Variants in NEGR1 observed in about 807,000 individuals in gnomAD.
NEGR1 encodes the protein IgLON family member 4.
In NEGR1, 10 loss-of-function variants were observed where a neutral mutation model predicts 40.9. The observed-to-expected ratio is 0.24, with a 90% confidence interval of 0.15 to 0.42. The LOEUF (loss-of-function observed/expected upper bound fraction) is 0.42. Among genes scored for constraint, NEGR1 ranks in the 10% least tolerant of loss-of-function variants. NEGR1 has a pLI of 1.00. For missense variants in NEGR1, 352 were observed against 438.9 expected (o/e 0.80, Z 1.77); for synonymous variants, 185 against 166.8 (o/e 1.11, Z -0.84).
chr1:71,760,019 G>A lies in NEGR1; in HGVS notation c.535+16153C>T, dbSNP rs374991566. Among the ~76,000 whole-genome samples the A allele has an allele frequency of 3.5e-3, 532 of 152,132 alleles. 4 individuals are homozygous for A. Among genetic ancestry groups the A allele is most frequent in the African/African-American group, 0.012 (509 of 41,510 alleles). On this transcript the variant is annotated intron_variant, in intron 3 of 6. Transcript: ENST00000357731. Reference sequence around the variant, plus strand: ...GAAAATCAATAAGGGAAAGACTCTTGAAAAAATCGAATTCACAAAATGTGG... The same window carrying A: ...GAAAATCAATAAGGGAAAGACTCTTAAAAAAATCGAATTCACAAAATGTGG...
intron 4 of NEGR1, among the ~76,000 whole-genome samples, chr1:71,628,570 C>A (rs1327417341): frequency 6.6e-6 from 1 of 151,916 alleles, no homozygotes; most frequent in Non-Finnish European, 1.5e-5. Context: ...CCCTAGCACC[C>A]CACCCCCTGA....
intron 1 of NEGR1, among the ~76,000 whole-genome samples, chr1:72,233,990 CT>C (rs990302875): frequency 2.8e-4 from 43 of 152,098 alleles, no homozygotes; most frequent in Admixed American, 2.4e-3. Flanking sequence ...AAAAAATTAT[CT>C]TTTATTTTAA....
intron 6 of NEGR1, among the ~76,000 whole-genome samples, chr1:71,437,098 C>G: frequency 6.7e-6 from 1 of 149,312 alleles, no homozygotes; most frequent in East Asian, 1.9e-4. Flanking sequence ...CTATAGGTAC[C>G]TGGCTCAGAA....
At chr1:71,743,335 C>T (rs1233503914) in intron 3 of NEGR1, among the ~76,000 whole-genome samples, 1 of 150,532 alleles carries the variant, frequency 6.6e-6, no homozygotes, top group Non-Finnish European at 1.5e-5. Context: ...GTACATCAAT[C>T]TAGGAAACTG....
At chr1:71,953,828 C>A (rs1014589302) in intron 1 of NEGR1, among the ~76,000 whole-genome samples, 1 of 151,626 alleles carries the variant, frequency 6.6e-6, no homozygotes, top group African/African-American at 2.4e-5. Flanking sequence ...AAGTGATATA[C>A]TTTTTTTTAG....
intron 1 of NEGR1, among the ~76,000 whole-genome samples, chr1:72,061,902 A>G (rs1170430389): frequency 6.6e-6 from 1 of 151,664 alleles, no homozygotes; most frequent in Non-Finnish European, 1.5e-5. Context: ...TATGATTTTT[A>G]TAATGGGCTC....
chr1:71,692,694 T>A (rs1653331671), intron 4 of NEGR1, among the ~76,000 whole-genome samples: 1 of 151,822 alleles, frequency 6.6e-6, no homozygotes, highest in Non-Finnish European at 1.5e-5. Flanking sequence ...TAAGTTATAC[T>A]AATTGGAACA....
chr1:71,860,347 A>C (rs1354857713), intron 2 of NEGR1, among the ~76,000 whole-genome samples: 1 of 151,990 alleles, frequency 6.6e-6, no homozygotes, highest in East Asian at 1.9e-4. Flanking sequence ...CATACTTTTT[A>C]TTACTATCTC....
chr1:71,752,069 T>C (rs1425706615), intron 3 of NEGR1, among the ~76,000 whole-genome samples: 2 of 152,190 alleles, frequency 1.3e-5, no homozygotes, highest in Non-Finnish European at 2.9e-5. Flanking sequence ...AATTATACAA[T>C]ACGCTGGAGT....
intron 1 of NEGR1, among the ~76,000 whole-genome samples, chr1:72,087,410 G>A (rs1005844530): frequency 6.6e-6 from 1 of 151,242 alleles, no homozygotes; most frequent in Admixed American, 6.6e-5. Flanking sequence ...CAGCTTGGGC[G>A]ACAGAGTGAG....
chr1:71,496,964 C>T (rs952824243), intron 6 of NEGR1, among the ~76,000 whole-genome samples: 6 of 152,106 alleles, frequency 3.9e-5, no homozygotes, highest in Admixed American at 1.3e-4. Context: ...CAAAATAATG[C>T]GTTAGGTTTT....
chr1:72,010,013 G>T (rs1251694838), intron 1 of NEGR1, among the ~76,000 whole-genome samples: 1 of 152,090 alleles, frequency 6.6e-6, no homozygotes, highest in Non-Finnish European at 1.5e-5. Flanking sequence ...TGGAAGAAAT[G>T]ACAGGAAGAG....
At chr1:72,201,301 A>T (rs565971642) in intron 1 of NEGR1, among the ~76,000 whole-genome samples, 103 of 150,752 alleles carry the variant, frequency 6.8e-4, no homozygotes, top group African/African-American at 1.6e-3. Flanking sequence ...ATAAAAAATA[A>T]TTTTTTTATA....
At chr1:71,420,434 C>T (rs546032375) in intron 6 of NEGR1, among the ~76,000 whole-genome samples, 1 of 152,026 alleles carries the variant, frequency 6.6e-6, no homozygotes, top group South Asian at 2.1e-4. Flanking sequence ...TGCACTCATA[C>T]ATACACAAAG....
chr1:71,947,284 T>G (rs1478998346), intron 1 of NEGR1, among the ~76,000 whole-genome samples: 1 of 151,762 alleles, frequency 6.6e-6, no homozygotes, highest in Non-Finnish European at 1.5e-5. Flanking sequence ...ATGGCAAAAC[T>G]TTTTACTTAC....
At chr1:72,261,995 G>A (rs1264906097) in intron 1 of NEGR1, among the ~76,000 whole-genome samples, 2 of 151,910 alleles carry the variant, frequency 1.3e-5, no homozygotes, top group Non-Finnish European at 2.9e-5. Flanking sequence ...AATTGCACTT[G>A]CACCCCCTAA....
At chr1:72,096,464 C>T (rs1268304190) in intron 1 of NEGR1, among the ~76,000 whole-genome samples, 1 of 151,728 alleles carries the variant, frequency 6.6e-6, no homozygotes, top group Non-Finnish European at 1.5e-5. Flanking sequence ...TAAATGAAGG[C>T]AAAACAAATG....
intron 1 of NEGR1, among the ~76,000 whole-genome samples, chr1:72,108,922 C>T (rs1257256300): frequency 6.6e-6 from 1 of 151,498 alleles, no homozygotes; most frequent in East Asian, 1.9e-4. Context: ...CTTCCTCCTA[C>T]TTAAAACACA....
rs55674579 is a variant in NEGR1 at position 71,898,981 on chromosome 1, CATATATATATATAT to C, written c.409+36084_409+36097del. Among the ~76,000 whole-genome samples, 165 of 51,300 alleles carry C rather than the reference CATATATATATATAT, an allele frequency of 3.2e-3. 7 individuals carry two copies. Among genetic ancestry groups the C allele is most frequent in the African/African-American group, 0.015 (148 of 9,940 alleles). The allele number at this position is 51,300 out of a possible 152,430, so 33.7% of individuals were successfully genotyped here. A position where few individuals can be genotyped will look rare whatever the true frequency, so the allele number is the denominator to read the frequency against. On this transcript the variant is annotated intron_variant, in intron 2 of 6. Coordinates refer to ENST00000357731, the MANE Select transcript of NEGR1 (RefSeq NM_173808.3). ...ATATATAGCATATATATATATATAG[CATATATATATATAT>C]ATATATATATATATATATATGGCAA...
Sources: gnomAD v4.1 joint callset for allele counts (sites outside exome capture counted in the v4.1 genomes callset) on GRCh38, gnomAD v4.1.1 for gene constraint, MANE v1.5 for transcripts, NCBI Gene and HGNC (gene_info 2026-07-23, HGNC 2026-07-21) for gene names.